The following MCM5 variants were observed in gnomAD, a reference collection of about 807,000 sequenced individuals.
MCM5 encodes minichromosome maintenance complex component 5.
MCM5 carries 46 observed loss-of-function variants against 79.9 expected under a neutral mutation model. The observed-to-expected ratio is 0.58, with a 90% CI of 0.45 to 0.74. MCM5 has a LOEUF of 0.74. Among genes scored for constraint, MCM5 ranks in the 30% least tolerant of loss-of-function variants. MCM5 has a pLI of 0.00. For missense variants in MCM5, 883 were observed against 1,017.0 expected, an observed-to-expected ratio of 0.87 and a Z score of 1.79; for synonymous variants, 404 against 390.5, an observed-to-expected ratio of 1.03 and a Z score of -0.41.
Position 35,424,373 on chromosome 22 carries a change from G to A in MCM5, c.*118G>A, listed in dbSNP as rs537850241. 1.4e-6 allele frequency: 1 copy of A among 719,490 alleles called. No homozygotes were observed. Among genetic ancestry groups the A allele is most frequent in the South Asian group, 1.9e-5 (1 of 53,024 alleles). 44.6% of individuals were successfully genotyped at this position (719,490 alleles called of 1,614,324 possible). A position where few individuals can be genotyped will look rare whatever the true frequency, so the allele number is the denominator to read the frequency against. ...CCCACTGCAGCCCTCGAACTTCCCA[G>A]GCACCCTCCTTTCTGCCCCAGAGGA... On this transcript the variant is annotated 3_prime_UTR_variant, in exon 17 of 17. Coordinates refer to ENST00000216122, the MANE Select transcript of MCM5 (RefSeq NM_006739.4).
chr22:35,441,959 G>A, the MCM5 span, among the ~76,000 whole-genome samples: 2 of 152,050 alleles, frequency 1.3e-5, no homozygotes, highest in Admixed American at 6.6e-5. Context: ...GCCAGCCTGC[G>A]TGTTGCAACA....
intron 12 of MCM5, 94 bp from the exon 13 acceptor site, chr22:35,417,650 G>T: frequency 1.2e-6 from 1 of 850,488 alleles, no homozygotes; most frequent in Non-Finnish European, 2.0e-6. Context: ...TGATGCCAGG[G>T]CCCCATCAGC....
rs1255182794 is a variant in MCM5, at chr22:35,413,921, C to T, written c.1138C>T (p.Leu380=). 6.2e-7 allele frequency: 1 copy of T among 1,614,090 alleles called. No individual in the cohort carries two copies. Among genetic ancestry groups the T allele is most frequent in the Admixed American group, 1.7e-5 (1 of 60,022 alleles). ...TRRGDINLLM[L]GDPGTAKSQL... Reference sequence around the variant, plus strand: ...CCGAGGAGACATCAACCTGCTGATGCTAGGGGACCCTGGGACAGCCAAGTC... The same window carrying T: ...CCGAGGAGACATCAACCTGCTGATGTTAGGGGACCCTGGGACAGCCAAGTC... The change falls in exon 9 of 17, where the codon CTA becomes TTA. Residue 380 remains leucine, a synonymous_variant. Coordinates refer to ENST00000216122, the MANE Select transcript of MCM5 (RefSeq NM_006739.4).
intron 1 of MCM5, 43 bp downstream of exon 1, chr22:35,400,251 C>T: frequency 3.1e-6 from 2 of 636,586 alleles, no homozygotes; most frequent in South Asian, 1.8e-5. Context: ...AGCCAGCAGG[C>T]ATCTGGATTT....
At chr22:35,402,973 T>C (rs1254926053) in intron 2 of MCM5, among the ~76,000 whole-genome samples, 1 of 152,202 alleles carries the variant, frequency 6.6e-6, no homozygotes, top group East Asian at 1.9e-4. Flanking sequence ...TTGACTGTCT[T>C]GTGGACCCCT....
chr22:35,419,289 C>T (rs1569069684), intron 13 of MCM5, among the ~76,000 whole-genome samples: 1 of 152,286 alleles, frequency 6.6e-6, no homozygotes, highest in African/African-American at 2.4e-5. Flanking sequence ...CTAAGGCTTT[C>T]CCTACATCAG....
At chr22:35,448,684 G>A in the MCM5 span, among the ~76,000 whole-genome samples, 5 of 152,168 alleles carry the variant, frequency 3.3e-5, no homozygotes, top group African/African-American at 1.2e-4. Flanking sequence ...TAAGTGCTGG[G>A]CATTGGTCAT....
chr22:35,425,023 G>A lies in MCM5; in HGVS notation c.*768G>A, dbSNP rs936319306. On this transcript the variant is annotated 3_prime_UTR_variant, in exon 17 of 17. Coordinates refer to ENST00000216122, the MANE Select transcript of MCM5 (RefSeq NM_006739.4). ...CACGTGTAACTGTGTGGCCTTGGGCGAGACATTTCACTTTTCTGTGCCTGA... is the reference window on the plus strand; with the variant it reads ...CACGTGTAACTGTGTGGCCTTGGGCAAGACATTTCACTTTTCTGTGCCTGA... The A allele has an allele frequency of 6.6e-6, 1 of 152,210 alleles. No individual in the cohort carries two copies. The highest frequency in any genetic ancestry group is 1.5e-5 in the Non-Finnish European group (1 of 68,046). The allele number at this position is 152,210 out of a possible 1,614,324, so 9.4% of individuals were successfully genotyped here. A position where few individuals can be genotyped will look rare whatever the true frequency, so the allele number is the denominator to read the frequency against.
At chr22:35,430,276 C>T (rs1041985287), downstream of MCM5, among the ~76,000 whole-genome samples, 3 of 152,212 alleles carry the variant, frequency 2.0e-5, no homozygotes, top group Non-Finnish European at 2.9e-5. Flanking sequence ...TCCTGGGTCT[C>T]TGTTCCCCCA....
In MCM5 at chr22:35,415,812, C is replaced by G. The variant is rs770067065; in HGVS notation, c.1204-17C>G. 6.2e-7 allele frequency: 1 copy of G among 1,606,310 alleles called. No individual in the cohort carries two copies. On this transcript the variant is annotated splice_polypyrimidine_tract_variant and intron_variant, in intron 9 of 16. Transcript: ENST00000216122. The stretch of plus-strand genomic sequence containing the variant: ...ATGGAGTTGTTATTGGGCCCTGACA[C>G]CACCCCACTGCCCCAGGTATACACG...
intron 10 of MCM5, 149 bp from the exon 11 acceptor site, chr22:35,416,190 C>A: frequency 1.1e-6 from 1 of 931,556 alleles, no homozygotes; most frequent in Non-Finnish European, 1.7e-6. Flanking sequence ...CACAGTTGTT[C>A]CCATGATTAG....
chr22:35,404,100 A>G (rs1932143670), intron 4 of MCM5, among the ~76,000 whole-genome samples: 1 of 152,216 alleles, frequency 6.6e-6, no homozygotes, highest in Non-Finnish European at 1.5e-5. Flanking sequence ...TGACAGAGCA[A>G]GACCCTGTCT....
intron 4 of MCM5, among the ~76,000 whole-genome samples, chr22:35,404,402 A>G (rs1239242067): frequency 4.1e-4 from 62 of 152,220 alleles, no homozygotes; most frequent in Non-Finnish European, 1.5e-5. Context: ...TTGCTAAAGA[A>G]GCAGGAGCCA....
intron 5 of MCM5, among the ~76,000 whole-genome samples, chr22:35,407,603 C>T (rs992315120): frequency 1.3e-5 from 2 of 152,176 alleles, no homozygotes; most frequent in Admixed American, 1.3e-4. Context: ...CTTGCTGTTT[C>T]CTCTACTGGG....
Position 35,403,314 on chromosome 22 carries a change from C to T in MCM5, c.275C>T (p.Pro92Leu), listed in dbSNP as rs1932115334. 3 of 1,614,048 alleles carry T rather than the reference C, an allele frequency of 1.9e-6. No individual in the cohort carries two copies. In the Admixed American group the frequency reaches 5.0e-5, roughly 27 times the overall value. Residue 92 changes from proline to leucine, a missense_variant, in exon 3 of 17, where the codon CCA (proline) becomes CTA (leucine). Coordinates refer to ENST00000216122, the MANE Select transcript of MCM5 (RefSeq NM_006739.4). The stretch of plus-strand genomic sequence containing the variant: ...CTGGCCGACTACTTGTACAAGCAGC[C>T]AGCCGAGCACCTGCAGCTGGTGAGT... ...EDLADYLYKQ[P>L]AEHLQLLEEA...
chr22:35,425,160 C>A lies in MCM5; in HGVS notation c.*905C>A, dbSNP rs560650662. ...GAGGAAGGAGTGTTGCCAAGTGCCT[C>A]GGTCACTTTGCCTAATTTCAGAAAG... On this transcript the variant is annotated 3_prime_UTR_variant, in exon 17 of 17. Coordinates refer to ENST00000216122, the MANE Select transcript of MCM5 (RefSeq NM_006739.4). The A allele has an allele frequency of 3.3e-5, 5 of 152,124 alleles. No homozygotes were observed. The highest frequency in any genetic ancestry group is 1.2e-4 in the African/African-American group (5 of 41,424). The allele number at this position is 152,124 out of a possible 1,614,324, so 9.4% of individuals were successfully genotyped here. A position where few individuals can be genotyped will look rare whatever the true frequency, so the allele number is the denominator to read the frequency against.
the MCM5 span, among the ~76,000 whole-genome samples, chr22:35,438,941 A>G: frequency 6.6e-6 from 1 of 150,508 alleles, no homozygotes; most frequent in South Asian, 2.1e-4. Context: ...CCATCCATTC[A>G]TCCATCCATG....
chr22:35,423,170 C>CAAT, intron 15 of MCM5, 44 bp from the exon 16 acceptor site: 4 of 1,518,564 alleles, frequency 2.6e-6, no homozygotes, highest in Non-Finnish European at 3.6e-6. Context: ...CAAGAACTCC[C>CAAT]ATTGTCCCAG....
the MCM5 span, among the ~76,000 whole-genome samples, chr22:35,445,575 T>C: frequency 3.3e-5 from 5 of 151,694 alleles, no homozygotes; most frequent in African/African-American, 1.2e-4. Context: ...AGTGGCGCGA[T>C]CTCAGCTCAC....
Sources: allele counts gnomAD v4.1 joint callset (sites outside exome capture counted in the v4.1 genomes callset), GRCh38; gene constraint gnomAD v4.1.1; transcripts MANE v1.5; gene names NCBI Gene and HGNC (gene_info 2026-07-23, HGNC 2026-07-21).